FCHO2: variants seen among roughly 807,000 people sequenced by gnomAD.
FCHO2 encodes the protein F-BAR domain only protein 2.
FCHO2 carries 43 observed loss-of-function variants against 114.1 expected under a neutral mutation model. That is an observed-to-expected ratio of 0.38 (90% CI 0.30 to 0.49). The LOEUF (loss-of-function observed/expected upper bound fraction) is 0.49, where lower values mean the gene tolerates loss of function less well. Among genes scored for constraint, FCHO2 ranks in the 20% least tolerant of loss-of-function variants. FCHO2 has a pLI of 0.97. For missense variants in FCHO2, 807 were observed against 950.4 expected, an observed-to-expected ratio of 0.85 and a Z score of 1.98; for synonymous variants, 293 against 315.2, an observed-to-expected ratio of 0.93 and a Z score of 0.75.
At chr5:73,000,345 C>G (rs1400685882) in intron 5 of FCHO2, among the ~76,000 whole-genome samples, 1 of 151,796 alleles carries the variant, frequency 6.6e-6, no homozygotes. Context: ...GTGGTGTGTG[C>G]CTATAATCCC....
intron 10 of FCHO2, among the ~76,000 whole-genome samples, chr5:73,038,390 C>A (rs188684988): frequency 3.9e-5 from 6 of 152,246 alleles, no homozygotes; most frequent in Non-Finnish European, 2.9e-5. Context: ...TTAAAAGAAT[C>A]TTTCTTTCAA....
At chr5:72,990,952 A>T in intron 5 of FCHO2, 88 bp downstream of exon 5, 1 of 1,396,524 alleles carries the variant, frequency 7.2e-7, no homozygotes, top group East Asian at 2.5e-5. Flanking sequence ...ACTGAAAATT[A>T]TCTCATTTTA....
At chr5:73,012,910 C>A (rs947924883) in intron 6 of FCHO2, among the ~76,000 whole-genome samples, 5 of 152,038 alleles carry the variant, frequency 3.3e-5, no homozygotes, top group African/African-American at 1.2e-4. Flanking sequence ...TAAGATATTT[C>A]TAAATAAATA....
intron 2 of FCHO2, among the ~76,000 whole-genome samples, chr5:72,988,107 G>A (rs1473543484): frequency 3.3e-5 from 5 of 152,128 alleles, no homozygotes; most frequent in Non-Finnish European, 7.3e-5. Flanking sequence ...ATTGAGAAGA[G>A]CCAGGCAAAA....
chr5:72,983,710 A>G (rs1263807982), intron 2 of FCHO2, among the ~76,000 whole-genome samples: 1 of 151,952 alleles, frequency 6.6e-6, no homozygotes, highest in Non-Finnish European at 1.5e-5. Flanking sequence ...GTAGCTTCAT[A>G]ATAAGTCTTG....
intron 2 of FCHO2, among the ~76,000 whole-genome samples, chr5:72,980,770 G>C (rs1239818537): frequency 6.6e-6 from 1 of 152,046 alleles, no homozygotes; most frequent in African/African-American, 2.4e-5. Context: ...TGCAACCCCT[G>C]CTTTTTTTTG....
At chr5:72,986,418 A>G (rs114313993) in intron 2 of FCHO2, among the ~76,000 whole-genome samples, 5,159 of 152,202 alleles carry the variant, frequency 0.034, 130 homozygotes, top group Non-Finnish European at 0.053. Context: ...TGTGAGGCTG[A>G]GAAAAGCTCT....
chr5:72,985,287 G>A (rs562869518), intron 2 of FCHO2, among the ~76,000 whole-genome samples: 38 of 151,714 alleles, frequency 2.5e-4, no homozygotes, highest in African/African-American at 7.7e-4. Flanking sequence ...CTGCCTCCCC[G>A]AGTAGCTGGG....
chr5:72,969,624 AGATATTATGCCTTT>A (rs1196958104), intron 2 of FCHO2, among the ~76,000 whole-genome samples: 4 of 152,188 alleles, frequency 2.6e-5, no homozygotes, highest in Admixed American at 6.5e-5. Context: ...CCATCAGGGC[AGATATTATGCCTTT>A]GAGCCCTGTT....
rs972992109 is a variant in FCHO2, at chr5:72,973,053, C to T, written c.125+4464C>T. Reference sequence around the variant, plus strand: ...AGCCTTGCATCCCAGGGATGAAGCCCACTTGATCATGGTGGATAAGCTTTT... The same window carrying T: ...AGCCTTGCATCCCAGGGATGAAGCCTACTTGATCATGGTGGATAAGCTTTT... On this transcript the variant is annotated intron_variant, in intron 2 of 25. Transcript: ENST00000430046. 1.9e-3 allele frequency among the ~76,000 whole-genome samples: 286 copies of T among 152,214 alleles called. 3 individuals are homozygous for T. Among genetic ancestry groups the T allele is most frequent in the African/African-American group, 6.5e-3 (269 of 41,548 alleles).
chr5:73,074,918 C>T (rs7732230), intron 20 of FCHO2, 65 bp downstream of exon 20: 184,877 of 1,264,348 alleles, frequency 0.15, 15,350 homozygotes, highest in East Asian at 0.36. Context: ...GGTGGTGGGG[C>T]TTGGTGGTAA....
At chr5:72,958,872 A>G (rs1467412115) in intron 1 of FCHO2, among the ~76,000 whole-genome samples, 1 of 152,154 alleles carries the variant, frequency 6.6e-6, no homozygotes, top group Non-Finnish European at 1.5e-5. Flanking sequence ...ATTAAAAGTT[A>G]TGTTTCGTTT....
rs762873482 is a variant in FCHO2, at chr5:73,041,274, A to G, written c.915-17A>G. Reference sequence around the variant, plus strand: ...CAATTCTAATTATTGAGTATTTCTGATATTTTGTTTTAATAGGGAATGTCC... The same window carrying G: ...CAATTCTAATTATTGAGTATTTCTGGTATTTTGTTTTAATAGGGAATGTCC... On this transcript the variant is annotated splice_polypyrimidine_tract_variant and intron_variant, in intron 10 of 25. Transcript: ENST00000430046. The G allele has an allele frequency of 6.9e-7, 1 of 1,458,968 alleles. No homozygotes were observed. Among genetic ancestry groups the G allele is most frequent in the South Asian group, 1.2e-5 (1 of 85,880 alleles). The allele number at this position is 1,458,968 out of a possible 1,614,324, so 90.4% of individuals were successfully genotyped here.
At chr5:72,971,102 G>T (rs1279332558) in intron 2 of FCHO2, among the ~76,000 whole-genome samples, 1 of 152,072 alleles carries the variant, frequency 6.6e-6, no homozygotes, top group East Asian at 1.9e-4. Flanking sequence ...GTCTATGATT[G>T]TTGGACATTT....
At chr5:73,024,561 C>A (rs1250846465) in intron 8 of FCHO2, among the ~76,000 whole-genome samples, 1 of 152,086 alleles carries the variant, frequency 6.6e-6, no homozygotes, top group Non-Finnish European at 1.5e-5. Flanking sequence ...GCCTCAGCCT[C>A]CCGAGTAGCT....
At chr5:73,023,310 ATTTAC>A (rs1333819325) in intron 8 of FCHO2, among the ~76,000 whole-genome samples, 6 of 152,194 alleles carry the variant, frequency 3.9e-5, no homozygotes, top group South Asian at 4.1e-4. Flanking sequence ...AGAGGCAGGA[ATTTAC>A]TTTATAATTA....
intron 13 of FCHO2, 38 bp downstream of exon 13, chr5:73,052,545 C>T (rs767517136): frequency 4.1e-6 from 6 of 1,471,030 alleles, no homozygotes; most frequent in Non-Finnish European, 5.5e-6. Context: ...ATATAAAAGT[C>T]TTTATTTTTC....
chr5:73,035,976 G>A (rs969402480), intron 9 of FCHO2, among the ~76,000 whole-genome samples: 4 of 151,946 alleles, frequency 2.6e-5, no homozygotes, highest in Admixed American at 1.3e-4. Context: ...CCAAGTAGCC[G>A]GGATTACAGG....
At chr5:73,025,515 A>G (rs916785978) in intron 8 of FCHO2, among the ~76,000 whole-genome samples, 2 of 151,690 alleles carry the variant, frequency 1.3e-5, no homozygotes, top group Admixed American at 6.6e-5. Context: ...AATAGCTGGG[A>G]TTACAGGCAC....
Sources: gnomAD v4.1 joint callset for allele counts (sites outside exome capture counted in the v4.1 genomes callset) on GRCh38, gnomAD v4.1.1 for gene constraint, MANE v1.5 for transcripts, NCBI Gene and HGNC (gene_info 2026-07-23, HGNC 2026-07-21) for gene names.